CNGB3: variants seen among roughly 807,000 people sequenced by gnomAD.
CNGB3 encodes the protein cyclic nucleotide gated channel subunit beta 3.
In CNGB3, 86 loss-of-function variants were observed where a neutral mutation model predicts 92.8. The ratio of observed to expected loss-of-function variants is 0.93; its 90% CI spans 0.78 to 1.11. The LOEUF is 1.11. Ranked by LOEUF, CNGB3 falls within the 50% of genes least tolerant of loss-of-function variation. The pLI is 0.00. For synonymous variants in CNGB3, 333 were observed against 332.7 expected, an observed-to-expected ratio of 1.00 and a Z score of -0.01; for missense variants, 1,026 against 956.8, an observed-to-expected ratio of 1.07 and a Z score of -0.95.
At chr8:86,698,001 A>G (rs1259283529) in intron 3 of CNGB3, among the ~76,000 whole-genome samples, 1 of 152,138 alleles carries the variant, frequency 6.6e-6, no homozygotes, top group Non-Finnish European at 1.5e-5. Context: ...ATAGTATTCC[A>G]TGGTGTATAC....
intron 3 of CNGB3, among the ~76,000 whole-genome samples, chr8:86,716,018 GATAAC>G (rs1824847610): frequency 6.6e-6 from 1 of 151,862 alleles, no homozygotes; most frequent in African/African-American, 2.4e-5. Context: ...CAGTGAAATA[GATAAC>G]ATAAATTTTA....
intron 2 of CNGB3, among the ~76,000 whole-genome samples, chr8:86,732,161 C>T (rs1427933488): frequency 2.0e-5 from 3 of 152,250 alleles, no homozygotes; most frequent in Non-Finnish European, 4.4e-5. Flanking sequence ...GTAATTTTAT[C>T]GGTCAGAATC....
intron 2 of CNGB3, among the ~76,000 whole-genome samples, chr8:86,738,911 A>T (rs1431157938): frequency 6.6e-6 from 1 of 151,530 alleles, no homozygotes; most frequent in African/African-American, 2.4e-5. Flanking sequence ...AATTTACTTT[A>T]CAGGACATCC....
At chr8:86,657,911 C>A in intron 6 of CNGB3, 1 of 548,404 alleles carries the variant, frequency 1.8e-6, no homozygotes, top group Admixed American at 1.9e-5. Flanking sequence ...CCCCTCTGAC[C>A]ACCGTGCAGC....
intron 3 of CNGB3, among the ~76,000 whole-genome samples, chr8:86,720,896 C>T (rs1824960201): frequency 6.9e-6 from 1 of 145,238 alleles, no homozygotes; most frequent in Admixed American, 7.0e-5. Flanking sequence ...TGGAATACTA[C>T]TCAGCCATGA....
chr8:86,642,662 C>T (rs1184794434), intron 10 of CNGB3, among the ~76,000 whole-genome samples: 1 of 151,566 alleles, frequency 6.6e-6, no homozygotes, highest in East Asian at 1.9e-4. Context: ...TGTTCAATGT[C>T]ATTTCACTGG....
At chr8:86,648,408 A>T (rs1052831153) in intron 7 of CNGB3, among the ~76,000 whole-genome samples, 4 of 151,178 alleles carry the variant, frequency 2.6e-5, no homozygotes, top group East Asian at 3.9e-4. Flanking sequence ...CTACCAATAA[A>T]CTGCTTTAAA....
chr8:86,665,855 G>A (rs1823731424), intron 6 of CNGB3, among the ~76,000 whole-genome samples: 1 of 151,992 alleles, frequency 6.6e-6, no homozygotes, highest in Admixed American at 6.6e-5. Flanking sequence ...AAGATACCCA[G>A]GTAACAAACC....
intron 1 of CNGB3, among the ~76,000 whole-genome samples, chr8:86,742,071 C>T (rs1456774994): frequency 2.0e-5 from 3 of 152,194 alleles, no homozygotes; most frequent in Admixed American, 1.3e-4. Context: ...GGATTAAATA[C>T]AGTAGCCCTA....
intron 3 of CNGB3, among the ~76,000 whole-genome samples, chr8:86,686,246 G>C (rs1025049985): frequency 2.0e-5 from 3 of 152,044 alleles, no homozygotes; most frequent in Admixed American, 6.6e-5. Flanking sequence ...AAATAGCCTA[G>C]TTTCTGAAGG....
chr8:86,705,865 C>G (rs1163406964), intron 3 of CNGB3, among the ~76,000 whole-genome samples: 3 of 152,154 alleles, frequency 2.0e-5, no homozygotes, highest in Admixed American at 1.3e-4. Flanking sequence ...ATGACACAGA[C>G]TAGGAATAGT....
At chr8:86,670,091 G>A (rs184692991) in intron 4 of CNGB3, among the ~76,000 whole-genome samples, 1,571 of 152,060 alleles carry the variant, frequency 0.01, 12 homozygotes, top group Middle Eastern at 0.038. Context: ...CTCGTGATCT[G>A]CCTGCCTCGG....
chr8:86,696,263 G>T (rs976652610), intron 3 of CNGB3, among the ~76,000 whole-genome samples: 2 of 152,260 alleles, frequency 1.3e-5, no homozygotes, highest in East Asian at 3.9e-4. Context: ...GTAATGGCTT[G>T]AGTTGATTGG....
intron 6 of CNGB3, among the ~76,000 whole-genome samples, 165 bp from the exon 7 acceptor site, chr8:86,654,227 T>A (rs768632992): frequency 2.0e-5 from 3 of 152,182 alleles, no homozygotes; most frequent in Non-Finnish European, 2.9e-5. Flanking sequence ...GGCTTTAGTT[T>A]TCTTCTTACT....
intron 15 of CNGB3, among the ~76,000 whole-genome samples, chr8:86,592,008 A>C (rs1448460845): frequency 2.6e-5 from 4 of 152,118 alleles, no homozygotes; most frequent in Admixed American, 2.6e-4. Context: ...TGGGCGTAGG[A>C]CCCTCTGAGC....
Position 86,632,950 on chromosome 8 carries a change from A to G in CNGB3, c.1179-57T>C, listed in dbSNP as rs1362641406. ...TTTTCTATATCATCGAAAGACCACTATTCTTGGGAGAATATAGTACTATTA... is the reference window on the plus strand; with the variant it reads ...TTTTCTATATCATCGAAAGACCACTGTTCTTGGGAGAATATAGTACTATTA... On this transcript the variant is annotated intron_variant, in intron 10 of 17. Coordinates refer to ENST00000320005, the MANE Select transcript of CNGB3 (RefSeq NM_019098.5). 9 of 1,481,888 alleles carry G rather than the reference A, an allele frequency of 6.1e-6. No homozygotes were observed. In the African/African-American group the frequency reaches 9.7e-5, roughly 16 times the overall value. 91.8% of individuals were successfully genotyped at this position (1,481,888 alleles called of 1,614,324 possible).
chr8:86,638,473 T>C (rs1563736290), intron 10 of CNGB3, among the ~76,000 whole-genome samples: 5 of 152,146 alleles, frequency 3.3e-5, no homozygotes, highest in Admixed American at 3.3e-4. Flanking sequence ...TTTTTAAAAG[T>C]ACCCCTTCTA....
chr8:86,735,900 A>T (rs1271526349), intron 2 of CNGB3, among the ~76,000 whole-genome samples: 1 of 152,166 alleles, frequency 6.6e-6, no homozygotes, highest in Non-Finnish European at 1.5e-5. Flanking sequence ...ACCCATTTCT[A>T]CACAAATAGG....
In CNGB3 at chr8:86,579,248, G is replaced by A. The variant is rs1821716401; in HGVS notation, c.1786C>T (p.Leu596=). Residue 596 remains leucine, a synonymous_variant, in exon 16 of 18, where the codon CTA becomes TTA. Transcript: ENST00000320005. ...CGACGGTTTCCTCCTCCTGCTGCTA[G>A]AAGGCTGTAAGAGAGAAAAATGAGT... The part of the protein sequence containing the change: ...AGSVFGEISL[L]AAGGGNRRTA... 6.2e-7 allele frequency: 1 copy of A among 1,613,854 alleles called. No homozygotes were observed. The highest frequency in any genetic ancestry group is 1.1e-5 in the South Asian group (1 of 91,088).
Sources: allele counts gnomAD v4.1 joint callset (sites outside exome capture counted in the v4.1 genomes callset), GRCh38; gene constraint gnomAD v4.1.1; transcripts MANE v1.5; gene names NCBI Gene and HGNC (gene_info 2026-07-23, HGNC 2026-07-21).